DNMT1: variants seen among roughly 807,000 people sequenced by gnomAD.
The protein encoded by DNMT1 is DNA methyltransferase 1.
A neutral mutation model predicts 205.3 loss-of-function variants in DNMT1; 24 were observed. That is an observed-to-expected ratio of 0.12 (90% CI 0.08 to 0.16). DNMT1 has a LOEUF of 0.16. Among genes scored for constraint, DNMT1 ranks in the 10% least tolerant of loss-of-function variants. The probability of loss-of-function intolerance (pLI) is 1.00; values close to 1 mark genes in which losing one functional copy is unlikely to be tolerated. For synonymous variants in DNMT1, 817 were observed against 839.8 expected (o/e 0.97, Z 0.47); for missense variants, 1,293 against 2,177.7 (o/e 0.59, Z 8.09).
intron 12 of DNMT1, chr19:10,162,964 CTT>C (rs397859775): frequency 0.13 from 45,286 of 345,714 alleles, 2 homozygotes; most frequent in East Asian, 0.17. Flanking sequence ...CTAGAACAGG[CTT>C]TTTTTTTTTT....
intron 7 of DNMT1, among the ~76,000 whole-genome samples, chr19:10,174,728 A>G (rs538800813): frequency 6.2e-4 from 94 of 151,186 alleles, no homozygotes; most frequent in Middle Eastern, 3.5e-3. Flanking sequence ...AAACAACAAC[A>G]ACAACAACAA....
chr19:10,137,000 T>C (rs2089496341), intron 37 of DNMT1, 85 bp downstream of exon 37: 1 of 1,539,098 alleles, frequency 6.5e-7, no homozygotes, highest in Non-Finnish European at 8.8e-7. Flanking sequence ...TGCCCTGCCC[T>C]GGCCTCCAGG....
chr19:10,167,055 G>C (rs181296730), intron 10 of DNMT1, among the ~76,000 whole-genome samples: 2 of 152,270 alleles, frequency 1.3e-5, no homozygotes, highest in Admixed American at 1.3e-4. Context: ...AGTGACCGTG[G>C]ACAGCTGACT....
At chr19:10,143,220 C>T (rs532480979) in intron 29 of DNMT1, among the ~76,000 whole-genome samples, 1 of 152,222 alleles carries the variant, frequency 6.6e-6, no homozygotes, top group East Asian at 1.9e-4. Context: ...AGGCACTCTA[C>T]CCGTTTTTTC....
rs759920 is a variant in DNMT1 at position 10,174,102 on chromosome 19, A to G, written c.649-197T>C. On this transcript the variant is annotated intron_variant, in intron 7 of 40. Coordinates refer to ENST00000359526, the MANE Select transcript of DNMT1 (RefSeq NM_001130823.3). ...TAATCCCCACCAACCCCAAAACAAA[A>G]GCAGGTCCGAGAAGTAGGCAGGCAC... Among the ~76,000 whole-genome samples, 77,788 of 151,940 alleles carry G rather than the reference A, an allele frequency of 0.51. 20,149 individuals carry two copies. The highest frequency in any genetic ancestry group is 0.67 in the East Asian group (3,483 of 5,164).
Position 10,142,100 on chromosome 19 carries a change from C to T in DNMT1, c.3237G>A (p.Glu1079=), listed in dbSNP as rs765877480. 2.4e-5 allele frequency: 39 copies of T among 1,612,962 alleles called. No homozygotes were observed. The South Asian group carries it at 4.0e-4, about 16-fold the overall frequency. The change falls in exon 30 of 41, where the codon GAG becomes GAA. Residue 1079 remains glutamate, a synonymous_variant. Transcript: ENST00000359526. The part of the protein sequence containing the change: ...FKAVQGRCTV[E]YGEDLPECVQ... ...CGCACTCGGGCAGGTCCTCCCCATA[C>T]TCCACGGTGCAGCGGCCCTGCACAG... is the stretch of plus-strand genomic sequence containing the variant.
rs987521909 is a variant in DNMT1, at chr19:10,146,921, C to T, written c.2721-397G>A. 1.3e-5 allele frequency among the ~76,000 whole-genome samples: 2 copies of T among 152,154 alleles called. No individual in the cohort carries two copies. Among genetic ancestry groups the T allele is most frequent in the African/African-American group, 4.8e-5 (2 of 41,426 alleles). Reference sequence around the variant, plus strand: ...GTATTTGAGGAAATTCAACATTATTCTTGACTAGTAAGCCCTTAAAGGAGA... The same window carrying T: ...GTATTTGAGGAAATTCAACATTATTTTTGACTAGTAAGCCCTTAAAGGAGA... On this transcript the variant is annotated intron_variant, in intron 27 of 40. Transcript: ENST00000359526. This position sits in a 1 kb window ranked among gnomAD's most constrained non-coding sequence, Gnocchi z 4.4.
chr19:10,144,389 C>G (rs1429640724), intron 28 of DNMT1: 1 of 246,220 alleles, frequency 4.1e-6, no homozygotes, highest in Non-Finnish European at 8.1e-6. Context: ...GCCTGTGTGA[C>G]AGAGCAAGAC....
intron 1 of DNMT1, among the ~76,000 whole-genome samples, chr19:10,190,331 G>A (rs769434693): frequency 1.1e-4 from 16 of 152,092 alleles, no homozygotes; most frequent in Non-Finnish European, 1.9e-4. Flanking sequence ...CAGTGAATAC[G>A]GCAGACACGC....
Position 10,162,687 on chromosome 19 carries a change from C to G in DNMT1, c.988G>C (p.Glu330Gln). Residue 330 changes from glutamate (E) to glutamine (Q), a missense_variant, in exon 13 of 41, where the codon GAA becomes CAA. Around this residue, in one of 13 missense-constraint regions of DNMT1, gnomAD observed 394 missense variants for 451.6 expected, o/e 0.87. Transcript: ENST00000359526. ...PEKVNPQISD[E>Q]KDEDEKEEKR... ...TTTACCTTTTCATCCTCGTCTTTTT[C>G]ATCAGAAATCTGTGGATTTACTTTT... 6.2e-7 allele frequency: 1 copy of G among 1,608,314 alleles called. No individual in the cohort carries two copies. The highest frequency in any genetic ancestry group is 8.5e-7 in the Non-Finnish European group (1 of 1,176,954).
At chr19:10,135,924 A>C in intron 38 of DNMT1, 72 bp from the exon 39 acceptor site, 1 of 1,511,282 alleles carries the variant, frequency 6.6e-7, no homozygotes, top group Non-Finnish European at 8.9e-7. Context: ...CAGGGAGGGA[A>C]ATGGCACTGT....
At chr19:10,180,738 G>C in intron 3 of DNMT1, 40 bp downstream of exon 3, 1 of 1,594,558 alleles carries the variant, frequency 6.3e-7, no homozygotes, top group Non-Finnish European at 8.6e-7. Flanking sequence ...ACTAGGAGGA[G>C]ACATTTTTCT....
chr19:10,190,101 T>C (rs2039270566), intron 1 of DNMT1, among the ~76,000 whole-genome samples: 1 of 152,176 alleles, frequency 6.6e-6, no homozygotes, highest in South Asian at 2.1e-4. Context: ...AATTTTGCCT[T>C]ATTCAGTATG....
Position 10,189,010 on chromosome 19 carries a change from C to T in DNMT1, c.80+5810G>A, listed in dbSNP as rs184277040. Among the ~76,000 whole-genome samples the T allele has an allele frequency of 6.1e-4, 93 of 152,324 alleles. 1 individual carries two copies. Among genetic ancestry groups the T allele is most frequent in the Admixed American group, 3.9e-4 (6 of 15,284 alleles). ...CTTGATTTTCATCCGGTGAAACCCA[C>T]ATCAGATTTCTGACCTGCATAAGGT... On this transcript the variant is annotated intron_variant, in intron 1 of 40. Coordinates refer to ENST00000359526, the MANE Select transcript of DNMT1 (RefSeq NM_001130823.3).
chr19:10,177,933 TAA>T (rs937561804), intron 5 of DNMT1, among the ~76,000 whole-genome samples: 42 of 114,920 alleles, frequency 3.7e-4, no homozygotes, highest in Admixed American at 8.5e-4. Flanking sequence ...CCCTGTCTCT[TAA>T]AAAAAAAAAA....
chr19:10,155,846 C>T lies in DNMT1; in HGVS notation c.1492+7G>A, dbSNP rs761783765. On this transcript the variant is annotated splice_region_variant and intron_variant, in intron 19 of 40. Transcript: ENST00000359526. The stretch of plus-strand genomic sequence containing the variant: ...CCCGGCCAGCCTATGATGGGCCACA[C>T]ACTTACAGGTGCTGAAGCCGATGAG... The T allele has an allele frequency of 1.2e-6, 2 of 1,612,274 alleles. No homozygotes were observed. The highest frequency in any genetic ancestry group is 1.1e-5 in the South Asian group (1 of 90,678).
intron 9 of DNMT1, among the ~76,000 whole-genome samples, chr19:10,168,714 G>A (rs1335940141): frequency 6.6e-6 from 1 of 152,174 alleles, no homozygotes; most frequent in Non-Finnish European, 1.5e-5. Flanking sequence ...AGTGTTGATA[G>A]CCTCACAGAA....
At chr19:10,177,699 G>A (rs1026855796) in intron 5 of DNMT1, among the ~76,000 whole-genome samples, 2 of 152,080 alleles carry the variant, frequency 1.3e-5, no homozygotes, top group Non-Finnish European at 2.9e-5. Context: ...GAGAGGCTGA[G>A]GTGGGAAAAT....
At chr19:10,186,540 G>A (rs1351040974) in intron 1 of DNMT1, among the ~76,000 whole-genome samples, 1 of 151,988 alleles carries the variant, frequency 6.6e-6, no homozygotes, top group Non-Finnish European at 1.5e-5. Flanking sequence ...GGGGAGATAA[G>A]ATATATATAA....
Sources: allele counts gnomAD v4.1 joint callset (sites outside exome capture counted in the v4.1 genomes callset), GRCh38; gene constraint gnomAD v4.1.1; regional missense constraint gnomAD v4.1.1; non-coding constraint Gnocchi (gnomAD v3.1); transcripts MANE v1.5; gene names NCBI Gene and HGNC (gene_info 2026-07-23, HGNC 2026-07-21).